Variants in ZZEF1 observed in about 807,000 individuals in gnomAD.
ZZEF1 encodes zinc finger ZZ-type and EF-hand domain containing 1, also known as zinc finger ZZ-type and EF-hand domain-containing protein 1.
ZZEF1 carries 157 observed loss-of-function variants against 342.8 expected under a neutral mutation model. The observed-to-expected ratio is 0.46, with a 90% CI of 0.40 to 0.52. The LOEUF is 0.52. Ranked by LOEUF, ZZEF1 falls within the 20% of genes least tolerant of loss-of-function variation. ZZEF1 has a pLI of 0.00. For synonymous variants in ZZEF1, 1,505 were observed against 1,429.1 expected (o/e 1.05, Z -1.20); for missense variants, 3,480 against 3,725.6 (o/e 0.93, Z 1.72).
rs2056215209 is a variant in ZZEF1, at chr17:4,019,694, A to T, written c.7480T>A (p.Tyr2494Asn). 1 of 1,613,194 alleles carries T rather than the reference A, an allele frequency of 6.2e-7. No individual in the cohort carries two copies. Reference sequence around the variant, plus strand: ...CTCTTCTGAACCTCCAGGAAGAAATAATCGGTCTTTTTCATCTGCAGTTCG... The same window carrying T: ...CTCTTCTGAACCTCCAGGAAGAAATTATCGGTCTTTTTCATCTGCAGTTCG... ...IYELQMKKTD[Y>N]FFLEVQKRFD... Residue 2494 changes from tyrosine (Y) to asparagine (N), a missense_variant, in exon 46 of 55, where the codon TAT becomes AAT. Physicochemically the swap from Tyr to Asn is moderately radical, Grantham distance 143. Transcript: ENST00000381638.
chr17:4,057,413 T>C (rs1165304174), intron 32 of ZZEF1, among the ~76,000 whole-genome samples: 3 of 152,202 alleles, frequency 2.0e-5, no homozygotes, highest in African/African-American at 4.8e-5. Flanking sequence ...TCTTAGTGCA[T>C]TCCCCCTCCC....
chr17:4,024,934 C>G lies in ZZEF1; in HGVS notation c.7077G>C (p.Leu2359Phe), dbSNP rs751190323. The G allele has an allele frequency of 1.2e-6, 2 of 1,614,176 alleles. No individual in the cohort carries two copies. The highest frequency in any genetic ancestry group is 1.1e-5 in the South Asian group (1 of 91,082). ...TWVLSLALKG[L>F]YKTLKAHGFE... ...TCCCCATTACCTTTAGTGTTTTATACAATCCTTTCAGGGCCAGGGACAGGA... is the reference window on the plus strand; with the variant it reads ...TCCCCATTACCTTTAGTGTTTTATAGAATCCTTTCAGGGCCAGGGACAGGA... The change falls in exon 43 of 55, where the codon TTG becomes TTC. Residue 2359 changes from leucine (L) to phenylalanine (F), a missense_variant. Around this residue, in one of 5 missense-constraint regions of ZZEF1, gnomAD observed 1,269 missense variants for 1,342.4 expected, o/e 0.95. Coordinates refer to ENST00000381638, the MANE Select transcript of ZZEF1 (RefSeq NM_015113.4).
chr17:4,105,859 T>C (rs1041389510), intron 6 of ZZEF1, 50 bp from the exon 7 acceptor site: 6 of 1,465,534 alleles, frequency 4.1e-6, no homozygotes, highest in Non-Finnish European at 5.6e-6. Flanking sequence ...AGACCGAATT[T>C]AGACAAAAAA....
At chr17:4,019,637 CCACA>C in intron 46 of ZZEF1, 28 bp downstream of exon 46, 1 of 1,590,046 alleles carries the variant, frequency 6.3e-7, no homozygotes, top group Non-Finnish European at 8.6e-7. Context: ...CTCTCCCTGG[CCACA>C]CTTCAGCTGC....
In ZZEF1 at chr17:4,085,670, C is replaced by T. The variant is rs756093453; in HGVS notation, c.2646G>A (p.Met882Ile). 1 of 1,613,666 alleles carries T rather than the reference C, an allele frequency of 6.2e-7. No individual in the cohort carries two copies. The highest frequency in any genetic ancestry group is 8.5e-7 in the Non-Finnish European group (1 of 1,179,806). Residue 882 changes from methionine (M) to isoleucine (I), a missense_variant and splice_region_variant, in exon 16 of 55, where the codon ATG (methionine) becomes ATA (isoleucine). Physicochemically the swap from Met to Ile is conservative, Grantham distance 10. Around this residue, in one of 5 missense-constraint regions of ZZEF1, gnomAD observed 1,528 missense variants for 1,624.1 expected, o/e 0.94. Transcript: ENST00000381638. ...QTRRNHLFTM[M>I]NVTEQEHKQS... ...AATCCAGACTTTTAGTAATAATTAC[C>T]ATCATGGTGAAGAGATGGTTCCGTC...
At chr17:4,020,363 G>A (rs1488563959) in intron 45 of ZZEF1, among the ~76,000 whole-genome samples, 2 of 152,166 alleles carry the variant, frequency 1.3e-5, no homozygotes. Context: ...CTTATTCATG[G>A]ATACAGAATT....
intron 1 of ZZEF1, among the ~76,000 whole-genome samples, chr17:4,128,110 CTGAGGCCAGCAGATCACT>C (rs2058601580): frequency 6.6e-6 from 1 of 152,090 alleles, no homozygotes; most frequent in African/African-American, 2.4e-5. Context: ...CTTCGGGAGG[CTGAGGCCAGCAGATCACT>C]TGAGGCCAGG....
intron 34 of ZZEF1, among the ~76,000 whole-genome samples, chr17:4,053,660 ATC>A (rs974877681): frequency 6.6e-6 from 1 of 152,220 alleles, no homozygotes; most frequent in Non-Finnish European, 1.5e-5. Context: ...ACTACTGTGC[ATC>A]TGTTTTACCT....
intron 2 of ZZEF1, among the ~76,000 whole-genome samples, chr17:4,123,285 A>ATATATG (rs2058517280): frequency 1.1e-5 from 1 of 94,768 alleles, no homozygotes; most frequent in African/African-American, 4.0e-5. Flanking sequence ...ATATATATAT[A>ATATATG]TATATATATA....
rs2055812293 is a variant in ZZEF1, at chr17:4,006,867, TC to T, written c.*22del. The stretch of plus-strand genomic sequence containing the variant: ...AAAATCCCTGTGGCAGATGAACTAG[TC>T]CCATGCACGCCCCACCAAGGGCTAA... On this transcript the variant is annotated 3_prime_UTR_variant, in exon 55 of 55. Coordinates refer to ENST00000381638, the MANE Select transcript of ZZEF1 (RefSeq NM_015113.4). The T allele has an allele frequency of 6.4e-7, 1 of 1,565,640 alleles. No individual in the cohort carries two copies. The highest frequency in any genetic ancestry group is 1.2e-5 in the South Asian group (1 of 85,252).
rs758966516 is a variant in ZZEF1 at position 4,077,995 on chromosome 17, C to T, written c.2877G>A (p.Val959=). 1.9e-6 allele frequency: 3 copies of T among 1,614,124 alleles called. No individual in the cohort carries two copies. Among genetic ancestry groups the T allele is most frequent in the African/African-American group, 1.3e-5 (1 of 75,040 alleles). The change falls in exon 19 of 55, where the codon GTG becomes GTA. Residue 959 remains valine (V), a synonymous_variant. Transcript: ENST00000381638. ...LSGAPGEVGS[V]LFSLFWSVQG... The stretch of plus-strand genomic sequence containing the variant: ...GGACGGACCAGAACAGGGAGAAGAG[C>T]ACAGAGCCCACCTCCCCTGGGGCCC...
intron 4 of ZZEF1, among the ~76,000 whole-genome samples, chr17:4,113,210 G>A (rs2058342290): frequency 6.6e-6 from 1 of 152,118 alleles, no homozygotes; most frequent in Non-Finnish European, 1.5e-5. Context: ...ATTATTTCTG[G>A]CACTTAATTC....
At chr17:4,092,265 C>T (rs1443801118) in intron 11 of ZZEF1, among the ~76,000 whole-genome samples, 2 of 149,666 alleles carry the variant, frequency 1.3e-5, no homozygotes, top group Non-Finnish European at 3.0e-5. Flanking sequence ...AAGACAATCC[C>T]GAGTAGGTTC....
intron 1 of ZZEF1, among the ~76,000 whole-genome samples, chr17:4,129,085 CCAACTTTA>C (rs2058623823): frequency 6.6e-6 from 1 of 152,058 alleles, no homozygotes; most frequent in Non-Finnish European, 1.5e-5. Flanking sequence ...ATTTTTAATA[CCAACTTTA>C]CTAAGGTATG....
rs542492656 is a variant in ZZEF1 at position 4,112,503 on chromosome 17, G to A, written c.1066+106C>T. 92 of 1,114,188 alleles carry A rather than the reference G, an allele frequency of 8.3e-5. 3 individuals carry two copies. The East Asian group carries it at 1.9e-3, about 23-fold the overall frequency. 69.0% of individuals were successfully genotyped at this position (1,114,188 alleles called of 1,614,324 possible). A position where few individuals can be genotyped will look rare whatever the true frequency, so the allele number is the denominator to read the frequency against. On this transcript the variant is annotated intron_variant, in intron 5 of 54. Transcript: ENST00000381638. The stretch of plus-strand genomic sequence containing the variant: ...TGAAATAATGAACACTTTTGTGTAC[G>A]TCCTAAGAAGCAAACCGAATCTCAA...
At chr17:4,022,508 T>C (rs2056295811) in intron 44 of ZZEF1, 2 of 601,082 alleles carry the variant, frequency 3.3e-6, no homozygotes, top group Non-Finnish European at 5.6e-6. Context: ...GAACAAACAT[T>C]AAATTCATTT....
intron 1 of ZZEF1, among the ~76,000 whole-genome samples, chr17:4,129,491 A>G (rs12453376): frequency 0.17 from 25,472 of 152,174 alleles, 2,198 homozygotes; most frequent in East Asian, 0.19. Context: ...ATGCCCATCA[A>G]TGACAGACTG....
intron 2 of ZZEF1, among the ~76,000 whole-genome samples, chr17:4,118,153 C>T (rs1316652773): frequency 6.6e-6 from 1 of 152,132 alleles, no homozygotes; most frequent in Non-Finnish European, 1.5e-5. Context: ...TGAGTCACTT[C>T]CTCATGTAAT....
intron 32 of ZZEF1, among the ~76,000 whole-genome samples, chr17:4,057,716 T>C (rs926842698): frequency 2.0e-5 from 3 of 152,236 alleles, no homozygotes; most frequent in Admixed American, 6.5e-5. Flanking sequence ...CTCTACTGCA[T>C]GCCAGACGCG....
Sources: allele counts gnomAD v4.1 joint callset (sites outside exome capture counted in the v4.1 genomes callset), GRCh38; gene constraint gnomAD v4.1.1; regional missense constraint gnomAD v4.1.1; transcripts MANE v1.5; gene names NCBI Gene and HGNC (gene_info 2026-07-23, HGNC 2026-07-21).